RFX6: variants seen among roughly 807,000 people sequenced by gnomAD.
RFX6 encodes DNA-binding protein RFX6.
In RFX6, 50 loss-of-function variants were observed where a neutral mutation model predicts 110.8. The ratio of observed to expected loss-of-function variants is 0.45; its 90% CI spans 0.36 to 0.57. RFX6 has a LOEUF of 0.57. RFX6 is among the 20% of genes least tolerant of loss of function. The probability of loss-of-function intolerance (pLI) is 0.00; values close to 1 mark genes in which losing one functional copy is unlikely to be tolerated. For synonymous variants in RFX6, 383 were observed against 411.2 expected, an observed-to-expected ratio of 0.93 and a Z score of 0.83; for missense variants, 990 against 1,127.0, an observed-to-expected ratio of 0.88 and a Z score of 1.74.
In RFX6 at chr6:116,910,948, G is replaced by A. The variant is rs188277006; in HGVS notation, c.686G>A (p.Arg229His). The change falls in exon 7 of 19, where the codon CGT becomes CAT. Residue 229 changes from arginine to histidine, a missense_variant. Transcript: ENST00000332958. ...TCTAAATTATAGGGTGGCTTCACTC[G>A]TAAATATTCGCTTAGCTCAAAAACT... ...SKLKNEGGFTRKYSLSSKTGT... is the reference protein window; with the variant it reads ...SKLKNEGGFTHKYSLSSKTGT... 6.6e-5 allele frequency: 106 copies of A among 1,612,822 alleles called. 1 individual carries two copies. The highest frequency in any genetic ancestry group is 9.9e-5 in the South Asian group (9 of 91,062).
At chr6:116,880,080 G>A (rs1309470047) in intron 2 of RFX6, among the ~76,000 whole-genome samples, 2 of 151,966 alleles carry the variant, frequency 1.3e-5, no homozygotes, top group African/African-American at 4.8e-5. Flanking sequence ...ATGCATCATT[G>A]TCCTTCCCTA....
intron 6 of RFX6, among the ~76,000 whole-genome samples, chr6:116,905,580 G>A (rs1236818132): frequency 6.8e-6 from 1 of 147,596 alleles, no homozygotes; most frequent in Non-Finnish European, 1.5e-5. Flanking sequence ...TTGAGATGGA[G>A]TCTCACTCTG....
chr6:116,879,186 ATAAGT>A (rs1182842708), intron 2 of RFX6, among the ~76,000 whole-genome samples: 1 of 151,972 alleles, frequency 6.6e-6, no homozygotes, highest in Non-Finnish European at 1.5e-5. Context: ...ATAAATATAT[ATAAGT>A]TAAGATCAAA....
intron 18 of RFX6, among the ~76,000 whole-genome samples, chr6:116,929,299 A>C: frequency 6.6e-6 from 1 of 152,202 alleles, no homozygotes; most frequent in East Asian, 1.9e-4. Context: ...AAAGGGCAGT[A>C]ATAATATCCT....
chr6:116,931,366 T>C lies in RFX6; in HGVS notation c.2647T>C (p.Ser883Pro). ...GCAAACCCCAATTCCTTCTTCCTCATCCCAATGTATGTATGGAACTTCCAA... is the reference window on the plus strand; with the variant it reads ...GCAAACCCCAATTCCTTCTTCCTCACCCCAATGTATGTATGGAACTTCCAA... ...SLQTPIPSSS[S>P]QCMYGTSNQY... Residue 883 changes from serine (S) to proline (P), a missense_variant, in exon 19 of 19, where the codon TCC (serine) becomes CCC (proline). This residue lies in a region of RFX6 where 438 missense variants were observed against 441.9 expected (regional missense o/e 0.99). Transcript: ENST00000332958. 2.5e-6 allele frequency: 4 copies of C among 1,613,408 alleles called. No individual in the cohort carries two copies. The highest frequency in any genetic ancestry group is 3.4e-6 in the Non-Finnish European group (4 of 1,179,372).
intron 4 of RFX6, among the ~76,000 whole-genome samples, chr6:116,886,291 A>G (rs1774697096): frequency 6.6e-6 from 1 of 152,170 alleles, no homozygotes; most frequent in Non-Finnish European, 1.5e-5. Context: ...GTTTGGCCAA[A>G]TTATTATAGG....
rs1775762895 is a variant in RFX6 at position 116,927,295 on chromosome 6, TC to T, written c.2156del (p.Pro719LeufsTer54). On this transcript the variant is annotated frameshift_variant, in exon 17 of 19. Transcript: ENST00000332958. ...AGCCCCACTCCACATCAGGACTCTA[TC>T]CTCATCACACCGAGCATGGTCGATG... ...AQPHSTSGLY[P>X]HHTEHGRCMA... 6.2e-7 allele frequency: 1 copy of T among 1,614,190 alleles called. No individual in the cohort carries two copies. Among genetic ancestry groups the T allele is most frequent in the Non-Finnish European group, 8.5e-7 (1 of 1,180,032 alleles).
chr6:116,918,383 G>C (rs1775519238), intron 10 of RFX6, among the ~76,000 whole-genome samples: 1 of 151,860 alleles, frequency 6.6e-6, no homozygotes, highest in Non-Finnish European at 1.5e-5. Flanking sequence ...TGATAAAAAA[G>C]ATAATTAATG....
At chr6:116,929,042 G>C in intron 18 of RFX6, 71 bp downstream of exon 18, 1 of 959,500 alleles carries the variant, frequency 1.0e-6, no homozygotes. Flanking sequence ...CATTACTTGA[G>C]GGAGATATGC....
chr6:116,917,997 TAAGTA>T, intron 9 of RFX6, 35 bp from the exon 10 acceptor site: 3 of 1,398,686 alleles, frequency 2.1e-6, no homozygotes, highest in Non-Finnish European at 3.0e-6. Context: ...ATAGAAATAC[TAAGTA>T]AAGATTTGTA....
At chr6:116,917,660 A>AT (rs1461979794) in intron 9 of RFX6, among the ~76,000 whole-genome samples, 3 of 152,088 alleles carry the variant, frequency 2.0e-5, no homozygotes, top group Non-Finnish European at 4.4e-5. Context: ...TCTCCTCCTC[A>AT]TGGTGGACCC....
chr6:116,913,383 G>A lies in RFX6; in HGVS notation c.780+2341G>A, dbSNP rs77211264. Among the ~76,000 whole-genome samples the A allele has an allele frequency of 5.3e-3, 812 of 152,180 alleles. 9 individuals carry two copies. The highest frequency in any genetic ancestry group is 0.018 in the African/African-American group (761 of 41,504). On this transcript the variant is annotated intron_variant, in intron 7 of 18. Transcript: ENST00000332958. ...AGCCAGCACTTGCTTCTTTAAGGCC[G>A]AAAGAATGGAAACTGCCCAGTGAAA...
intron 18 of RFX6, among the ~76,000 whole-genome samples, chr6:116,929,416 T>G (rs1775833071): frequency 6.6e-6 from 1 of 152,026 alleles, no homozygotes; most frequent in Admixed American, 6.6e-5. Context: ...TAAAAAAAAC[T>G]GGTGTCCTGT....
At chr6:116,911,844 A>G (rs1582527573) in intron 7 of RFX6, among the ~76,000 whole-genome samples, 1 of 152,320 alleles carries the variant, frequency 6.6e-6, no homozygotes, top group East Asian at 1.9e-4. Context: ...TAATGTCCAG[A>G]TGCTTTACTT....
At chr6:116,919,083 T>C in intron 10 of RFX6, 54 bp from the exon 11 acceptor site, 1 of 1,476,608 alleles carries the variant, frequency 6.8e-7, no homozygotes, top group Non-Finnish European at 9.5e-7. Flanking sequence ...TAAAATATGA[T>C]TGTTTAATGC....
intron 6 of RFX6, among the ~76,000 whole-genome samples, chr6:116,909,600 TATG>T (rs1214915574): frequency 6.8e-6 from 1 of 148,094 alleles, no homozygotes; most frequent in Non-Finnish European, 1.5e-5. Context: ...TATATCAGTT[TATG>T]ATAATTATTA....
chr6:116,911,091 A>G (rs768654777), intron 7 of RFX6, 49 bp downstream of exon 7: 5 of 1,255,040 alleles, frequency 4.0e-6, no homozygotes, highest in Non-Finnish European at 5.9e-6. Context: ...TGTTGGCTCC[A>G]TATGTCAATT....
rs78287946 is a variant in RFX6 at position 116,882,358 on chromosome 6, T to C, written c.505-9T>C. On this transcript the variant is annotated splice_polypyrimidine_tract_variant and intron_variant, in intron 3 of 18. Transcript: ENST00000332958. ...TTCTAACGCCTAAAGTAATCATCTT[T>C]CTTTTTAGACAATTCGCCAGAAGTT... 381 of 1,610,626 alleles carry C rather than the reference T, an allele frequency of 2.4e-4. 2 individuals are homozygous for C. The East Asian group carries it at 7.8e-3, about 33-fold the overall frequency.
At chr6:116,884,482 C>T (rs373835536) in intron 4 of RFX6, among the ~76,000 whole-genome samples, 28 of 152,150 alleles carry the variant, frequency 1.8e-4, no homozygotes, top group African/African-American at 6.3e-4. Context: ...AAAATGGGTC[C>T]CTTCCTTCTA....
Sources: allele counts gnomAD v4.1 joint callset (sites outside exome capture counted in the v4.1 genomes callset), GRCh38; gene constraint gnomAD v4.1.1; regional missense constraint gnomAD v4.1.1; transcripts MANE v1.5; gene names NCBI Gene and HGNC (gene_info 2026-07-23, HGNC 2026-07-21).